PARVB: variants seen among roughly 807,000 people sequenced by gnomAD.
The protein encoded by PARVB is parvin beta.
PARVB carries 46 observed loss-of-function variants against 47.0 expected under a neutral mutation model. That is an observed-to-expected ratio of 0.98 (90% CI 0.77 to 1.25). PARVB has a LOEUF of 1.25. Among genes scored for constraint, PARVB ranks in the 50% most tolerant of loss-of-function variants. PARVB has a pLI of 0.00. For synonymous variants in PARVB, 196 were observed against 196.3 expected (o/e 1.00, Z 0.01); for missense variants, 473 against 471.6 (o/e 1.00, Z -0.03).
chr22:44,156,001 A>T (rs549433114), intron 10 of PARVB, among the ~76,000 whole-genome samples: 6 of 152,146 alleles, frequency 3.9e-5, no homozygotes, highest in African/African-American at 1.4e-4. Context: ...AAATACAAAA[A>T]TTGGCGGGTA....
intron 1 of PARVB, among the ~76,000 whole-genome samples, chr22:44,057,079 T>C (rs1416634731): frequency 5.3e-5 from 8 of 151,280 alleles, no homozygotes; most frequent in Non-Finnish European, 1.2e-4. Flanking sequence ...AAGTTTCTCT[T>C]TCTCTCTCTC....
Position 44,083,594 on chromosome 22 carries a change from A to G in PARVB, c.113-10334A>G, listed in dbSNP as rs139928571. Among the ~76,000 whole-genome samples the G allele has an allele frequency of 2.6e-5, 4 of 152,200 alleles. No individual in the cohort carries two copies. The East Asian group carries it at 7.8e-4, about 29-fold the overall frequency. ...GGTGGGAAATGGGTGGAGCTAGCTG[A>G]CCTGAAGTGAAGGGCATTGCAGGTT... On this transcript the variant is annotated intron_variant, in intron 1 of 12. Coordinates refer to ENST00000338758, the MANE Select transcript of PARVB (RefSeq NM_013327.5).
intron 1 of PARVB, among the ~76,000 whole-genome samples, chr22:44,025,360 C>A (rs192501489): frequency 1.3e-5 from 2 of 152,108 alleles, no homozygotes; most frequent in Non-Finnish European, 2.9e-5. Context: ...GATGCAGGTC[C>A]CCCATTCATT....
chr22:44,143,302 G>C (rs898698002), intron 8 of PARVB: 1 of 152,378 alleles, frequency 6.6e-6, no homozygotes, highest in South Asian at 2.1e-4. Context: ...GCTTGCACGT[G>C]TCTGGCAGAC....
chr22:44,099,913 G>A, intron 2 of PARVB, 140 bp from the exon 3 acceptor site: 2 of 673,522 alleles, frequency 3.0e-6, no homozygotes, highest in Non-Finnish European at 5.4e-6. Flanking sequence ...CTTCCAGAAG[G>A]CGGTTCCTTG....
Position 44,028,916 on chromosome 22 carries a change from T to G in PARVB, c.112+4465T>G, listed in dbSNP as rs547641145. Among the ~76,000 whole-genome samples the G allele has an allele frequency of 5.3e-5, 8 of 152,352 alleles. No individual in the cohort carries two copies. In the South Asian group the frequency reaches 1.7e-3, roughly 32 times the overall value. ...TGGAGCATCTCTTCAGATGCTTATT[T>G]GCCATCTGTGTATCTTCTTCAGTGA... On this transcript the variant is annotated intron_variant, in intron 1 of 12. Coordinates refer to ENST00000338758, the MANE Select transcript of PARVB (RefSeq NM_013327.5).
In PARVB at chr22:44,151,891, T is replaced by G. The variant is rs1429254626; in HGVS notation, c.843+340T>G. ...TGTTCCTGGCCTCCCTCCCAGCTTCTGTGGTTTTGCCAGGATCTTTAGCAT... is the reference window on the plus strand; with the variant it reads ...TGTTCCTGGCCTCCCTCCCAGCTTCGGTGGTTTTGCCAGGATCTTTAGCAT... On this transcript the variant is annotated intron_variant, in intron 10 of 12. Coordinates refer to ENST00000338758, the MANE Select transcript of PARVB (RefSeq NM_013327.5). 2.6e-5 allele frequency: 7 copies of G among 269,910 alleles called. No individual in the cohort carries two copies. In the South Asian group the frequency reaches 3.6e-4, roughly 14 times the overall value. The allele number at this position is 269,910 out of a possible 1,614,324, so 16.7% of individuals were successfully genotyped here.
At chr22:44,022,360 G>T (rs1417935093), upstream of PARVB, among the ~76,000 whole-genome samples, 1 of 152,094 alleles carries the variant, frequency 6.6e-6, no homozygotes, top group Non-Finnish European at 1.5e-5. Flanking sequence ...TCCCTTCCCT[G>T]CAAGCCTCCT....
At chr22:44,009,498 C>T (rs1431988644) in intron 2 of PARVB, 1 of 152,116 alleles carries the variant, frequency 6.6e-6, no homozygotes. Context: ...GAGTTCAAAT[C>T]AGCAATTCCC....
At chr22:44,014,081 C>T (rs1015835486) in intron 2 of PARVB, among the ~76,000 whole-genome samples, 1 of 152,192 alleles carries the variant, frequency 6.6e-6, no homozygotes, top group Admixed American at 6.5e-5. Context: ...GAAAAAGATC[C>T]ACATGTAAGT....
At chr22:44,024,686 G>C (rs893167460) in intron 1 of PARVB, among the ~76,000 whole-genome samples, 24 of 152,084 alleles carry the variant, frequency 1.6e-4, no homozygotes, top group Non-Finnish European at 2.9e-4. Context: ...GCGTGCGGGC[G>C]CCTGCGCGGC....
intron 1 of PARVB, among the ~76,000 whole-genome samples, chr22:44,025,402 G>A (rs1007926935): frequency 6.6e-6 from 1 of 152,154 alleles, no homozygotes; most frequent in African/African-American, 2.4e-5. Flanking sequence ...TCCTAGGGAT[G>A]TGTGTGCCCC....
upstream of PARVB, chr22:44,024,250 C>T (rs2050690118): frequency 1.1e-5 from 7 of 613,538 alleles, no homozygotes; most frequent in Non-Finnish European, 1.4e-5. Flanking sequence ...GGGGCGGGGG[C>T]CGGCGGCGGG....
At position 44,155,035 on chromosome 22, in the gene PARVB, GGTGTGTGT is replaced by G. The variant is rs143992052; in HGVS notation, c.844-2931_844-2924del. Reference sequence around the variant, plus strand: ...TGTGTGTGGTTTTTGTAGTCTGTGTGGTGTGTGTGTGTGTGTGTGTGTGGTTTTTGTAG... The same window carrying G: ...TGTGTGTGGTTTTTGTAGTCTGTGTGGTGTGTGTGTGTGTGGTTTTTGTAG... On this transcript the variant is annotated intron_variant, in intron 10 of 12. Coordinates refer to ENST00000338758, the MANE Select transcript of PARVB (RefSeq NM_013327.5). This position sits in a 1 kb window ranked among gnomAD's most constrained non-coding sequence, Gnocchi z 4.8. Among the ~76,000 whole-genome samples, 4 of 116,344 alleles carry G rather than the reference GGTGTGTGT, an allele frequency of 3.4e-5. No individual in the cohort carries two copies. Among genetic ancestry groups the G allele is most frequent in the South Asian group, 3.6e-4 (1 of 2,816 alleles). The allele number at this position is 116,344 out of a possible 152,430, so 76.3% of individuals were successfully genotyped here. A position where few individuals can be genotyped will look rare whatever the true frequency, so the allele number is the denominator to read the frequency against.
chr22:44,096,150 A>G (rs528059320), intron 2 of PARVB, among the ~76,000 whole-genome samples: 1 of 152,342 alleles, frequency 6.6e-6, no homozygotes, highest in Admixed American at 6.5e-5. Flanking sequence ...GCTTGAATCC[A>G]GGAGGCGGAG....
intron 1 of PARVB, among the ~76,000 whole-genome samples, chr22:44,076,803 CT>C (rs955351798): frequency 1.8e-4 from 28 of 152,222 alleles, no homozygotes; most frequent in Admixed American, 1.4e-3. Flanking sequence ...CCTGCCCCAA[CT>C]CCCCTGCACC....
chr22:44,029,725 C>T (rs1292502102), intron 1 of PARVB, among the ~76,000 whole-genome samples: 1 of 152,126 alleles, frequency 6.6e-6, no homozygotes, highest in Non-Finnish European at 1.5e-5. Context: ...GCCTGGCCAA[C>T]GTGGTGAAAC....
At chr22:44,004,989 C>G (rs2050449419) in intron 2 of PARVB, among the ~76,000 whole-genome samples, 1 of 152,218 alleles carries the variant, frequency 6.6e-6, no homozygotes, top group South Asian at 2.1e-4. Context: ...ACTCAACAGA[C>G]TCCTGACCGA....
At chr22:44,122,562 CAGAGAGAGAGAGAGAGAGAGAGAGAG>C (rs55865160) in intron 4 of PARVB, among the ~76,000 whole-genome samples, 22 of 78,780 alleles carry the variant, frequency 2.8e-4, no homozygotes, top group Non-Finnish European at 4.5e-4. Flanking sequence ...GACACAGAGA[CAGAGAGAGAGAGAGAGAGAGAGAGAG>C]AGAGAGAGAG....
Sources: allele counts gnomAD v4.1 joint callset (sites outside exome capture counted in the v4.1 genomes callset), GRCh38; gene constraint gnomAD v4.1.1; non-coding constraint Gnocchi (gnomAD v3.1); transcripts MANE v1.5; gene names NCBI Gene and HGNC (gene_info 2026-07-23, HGNC 2026-07-21).